NCALD: variants seen among roughly 807,000 people sequenced by gnomAD.
The protein encoded by NCALD is neurocalcin delta.
Under a neutral mutation model 18.6 loss-of-function variants are expected in NCALD, and 10 were observed. The ratio of observed to expected loss-of-function variants is 0.54; its 90% CI spans 0.33 to 0.91. The LOEUF is 0.91. NCALD is among the 40% of genes least tolerant of loss of function. The pLI is 0.03. For synonymous variants in NCALD, 88 were observed against 87.4 expected (o/e 1.01, Z -0.04); for missense variants, 184 against 247.6 (o/e 0.74, Z 1.72).
intron 2 of NCALD, among the ~76,000 whole-genome samples, chr8:101,714,590 C>T (rs1285286685): frequency 1.3e-5 from 2 of 152,212 alleles, no homozygotes; most frequent in East Asian, 3.8e-4. Flanking sequence ...AGATTCAATG[C>T]TCTTCACATC....
intron 2 of NCALD, among the ~76,000 whole-genome samples, chr8:101,700,641 A>G (rs897999751): frequency 3.3e-5 from 5 of 152,144 alleles, no homozygotes; most frequent in African/African-American, 1.2e-4. Context: ...ACTGTGTAAT[A>G]ATCTAGGGGT....
At chr8:102,048,298 G>C (rs1823318890) in intron 1 of NCALD, among the ~76,000 whole-genome samples, 1 of 152,134 alleles carries the variant, frequency 6.6e-6, no homozygotes, top group African/African-American at 2.4e-5. Context: ...ATATAACTCA[G>C]TAAAGGCAAT....
chr8:102,094,061 AC>A (rs775898987), intron 1 of NCALD, among the ~76,000 whole-genome samples: 4 of 152,052 alleles, frequency 2.6e-5, no homozygotes, highest in Non-Finnish European at 5.9e-5. Flanking sequence ...ACATTTCACC[AC>A]CCCCTTCATG....
chr8:101,738,794 T>C (rs1387686714), intron 1 of NCALD, among the ~76,000 whole-genome samples: 1 of 152,144 alleles, frequency 6.6e-6, no homozygotes, highest in African/African-American at 2.4e-5. Flanking sequence ...CCTCAACTGA[T>C]GCATCGGGGT....
At chr8:102,105,996 C>A (rs1297635604) in intron 1 of NCALD, among the ~76,000 whole-genome samples, 4 of 152,064 alleles carry the variant, frequency 2.6e-5, no homozygotes, top group Non-Finnish European at 5.9e-5. Flanking sequence ...GTCATTGCTA[C>A]AAGAACCTCC....
intron 2 of NCALD, among the ~76,000 whole-genome samples, chr8:101,938,962 T>C (rs930071497): frequency 6.6e-5 from 10 of 152,244 alleles, no homozygotes; most frequent in African/African-American, 2.4e-4. Context: ...ATAAATGTCA[T>C]TATTAAATAC....
chr8:102,035,268 A>G (rs945761735), intron 1 of NCALD, among the ~76,000 whole-genome samples: 2 of 152,166 alleles, frequency 1.3e-5, no homozygotes, highest in Non-Finnish European at 2.9e-5. Context: ...TCTTCCTGTA[A>G]TAACAAAGCT....
At chr8:101,782,687 C>T (rs1812065297) in intron 1 of NCALD, among the ~76,000 whole-genome samples, 1 of 152,210 alleles carries the variant, frequency 6.6e-6, no homozygotes, top group East Asian at 1.9e-4. Context: ...TATCCTTTCA[C>T]TTTTGCTCCT....
At chr8:102,008,823 G>A (rs1307383364) in intron 2 of NCALD, among the ~76,000 whole-genome samples, 2 of 151,706 alleles carry the variant, frequency 1.3e-5, no homozygotes, top group African/African-American at 4.9e-5. Flanking sequence ...GGGCCCCTAG[G>A]CCACATAAAA....
chr8:102,012,686 A>C (rs1253475000), intron 2 of NCALD, among the ~76,000 whole-genome samples: 1 of 152,238 alleles, frequency 6.6e-6, no homozygotes, highest in Non-Finnish European at 1.5e-5. Context: ...AAACAGCTGA[A>C]GGCCTAGTGG....
intron 1 of NCALD, among the ~76,000 whole-genome samples, chr8:101,729,652 A>G (rs1380022456): frequency 6.6e-6 from 1 of 152,204 alleles, no homozygotes; most frequent in Non-Finnish European, 1.5e-5. Flanking sequence ...CAAGAGGCTC[A>G]CTAGAAACAA....
At chr8:102,033,939 TATAG>T (rs773396412) in intron 1 of NCALD, among the ~76,000 whole-genome samples, 25 of 152,094 alleles carry the variant, frequency 1.6e-4, no homozygotes, top group Admixed American at 9.8e-4. Flanking sequence ...AAAGAAGACA[TATAG>T]ATATAGATAT....
chr8:101,957,583 A>G (rs775663704), intron 2 of NCALD, among the ~76,000 whole-genome samples: 1 of 152,100 alleles, frequency 6.6e-6, no homozygotes, highest in Non-Finnish European at 1.5e-5. Context: ...TTTCCTACCA[A>G]AAATAGTTGG....
intron 1 of NCALD, among the ~76,000 whole-genome samples, chr8:102,034,911 A>G (rs1623102): frequency 0.9 from 137,197 of 152,166 alleles, 61,911 homozygotes; most frequent in South Asian, 0.96. Context: ...GTTGTGTAAC[A>G]ACCCTCTAGA....
chr8:101,770,750 T>C (rs1811550757), intron 1 of NCALD, among the ~76,000 whole-genome samples: 1 of 152,226 alleles, frequency 6.6e-6, no homozygotes, highest in East Asian at 1.9e-4. Context: ...AAAGTCATGA[T>C]TTCAAATGAT....
At chr8:101,800,631 G>GAC (rs1812803354) in intron 4 of NCALD, among the ~76,000 whole-genome samples, 1 of 151,412 alleles carries the variant, frequency 6.6e-6, no homozygotes, top group Admixed American at 6.6e-5. Context: ...GTATGCAAGA[G>GAC]ACACACTTTG....
chr8:102,019,369 A>G (rs1005738657), intron 2 of NCALD, among the ~76,000 whole-genome samples: 1 of 152,156 alleles, frequency 6.6e-6, no homozygotes, highest in Non-Finnish European at 1.5e-5. Context: ...GTTTGATAGT[A>G]TCTACTAAAG....
chr8:101,900,932 G>GT (rs1331234720), intron 3 of NCALD, among the ~76,000 whole-genome samples: 6 of 151,826 alleles, frequency 4.0e-5, no homozygotes, highest in African/African-American at 1.5e-4. Context: ...GTGTGTTGAG[G>GT]TTTTTAACTC....
chr8:101,906,051 G>C (rs540832285), intron 3 of NCALD, among the ~76,000 whole-genome samples: 2 of 152,284 alleles, frequency 1.3e-5, no homozygotes, highest in South Asian at 4.1e-4. Context: ...CAAACTCATT[G>C]TTTGCTTACC....
Sources: gnomAD v4.1 joint callset for allele counts (sites outside exome capture counted in the v4.1 genomes callset) on GRCh38, gnomAD v4.1.1 for gene constraint, MANE v1.5 for transcripts, NCBI Gene and HGNC (gene_info 2026-07-23, HGNC 2026-07-21) for gene names.